Variants in ATP8A2 observed in about 807,000 individuals in gnomAD.
ATP8A2 encodes the protein phospholipid-transporting ATPase IB.
Under a neutral mutation model 165.6 loss-of-function variants are expected in ATP8A2, and 100 were observed. The ratio of observed to expected loss-of-function variants is 0.60; its 90% CI spans 0.51 to 0.71. The LOEUF is 0.71. ATP8A2 is among the 30% of genes least tolerant of loss of function. The pLI, the probability that ATP8A2 is intolerant of heterozygous loss-of-function variation, is 0.00. For missense variants in ATP8A2, 1,227 were observed against 1,479.5 expected (o/e 0.83, Z 2.80); for synonymous variants, 543 against 548.8 (o/e 0.99, Z 0.15).
At chr13:25,650,292 G>A (rs1332728394) in intron 24 of ATP8A2, among the ~76,000 whole-genome samples, 1 of 152,130 alleles carries the variant, frequency 6.6e-6, no homozygotes, top group Non-Finnish European at 1.5e-5. Flanking sequence ...GTTGCTAGTT[G>A]AACTTTTTGT....
intron 35 of ATP8A2, among the ~76,000 whole-genome samples, chr13:25,983,826 A>G (rs960814032): frequency 1.3e-5 from 2 of 152,326 alleles, no homozygotes; most frequent in South Asian, 2.1e-4. Flanking sequence ...TGGGAACACA[A>G]TGTGAAAAAC....
chr13:25,681,907 T>G (rs1372361127), intron 24 of ATP8A2, among the ~76,000 whole-genome samples: 1 of 152,142 alleles, frequency 6.6e-6, no homozygotes, highest in Non-Finnish European at 1.5e-5. Flanking sequence ...CTGACTGCCT[T>G]GGATGTGGTC....
intron 25 of ATP8A2, among the ~76,000 whole-genome samples, chr13:25,717,876 G>C (rs1007274041): frequency 5.9e-5 from 9 of 152,180 alleles, no homozygotes; most frequent in African/African-American, 2.2e-4. Flanking sequence ...AGATTGGATT[G>C]AAGATTGAAG....
chr13:25,446,046 GAGAC>G (rs1283130747), intron 1 of ATP8A2, among the ~76,000 whole-genome samples: 1 of 152,172 alleles, frequency 6.6e-6, no homozygotes, highest in Non-Finnish European at 1.5e-5. Context: ...GAGAAACAGA[GAGAC>G]AGAGAGAGAT....
chr13:25,936,731 T>A (rs192075975), intron 33 of ATP8A2, among the ~76,000 whole-genome samples: 128 of 152,282 alleles, frequency 8.4e-4, no homozygotes, highest in African/African-American at 2.9e-3. Context: ...CTTTTAAGGT[T>A]GGGCCCAATT....
At chr13:25,915,451 C>T (rs140132180) in intron 33 of ATP8A2, among the ~76,000 whole-genome samples, 2 of 152,332 alleles carry the variant, frequency 1.3e-5, no homozygotes, top group East Asian at 3.9e-4. Context: ...AATAAATATA[C>T]CAAAGCTCAG....
chr13:25,717,363 T>C (rs2138011431), intron 25 of ATP8A2, among the ~76,000 whole-genome samples: 1 of 150,962 alleles, frequency 6.6e-6, no homozygotes, highest in South Asian at 2.1e-4. Flanking sequence ...TGAGAATGGG[T>C]TAGGCTCTCT....
intron 1 of ATP8A2, among the ~76,000 whole-genome samples, chr13:25,402,339 C>T (rs950135106): frequency 1.1e-4 from 16 of 152,164 alleles, no homozygotes; most frequent in African/African-American, 2.7e-4. Context: ...TGGGTCAAGG[C>T]GGCTCTTGTA....
chr13:26,010,170 G>A (rs1956815053), intron 35 of ATP8A2, among the ~76,000 whole-genome samples: 1 of 152,254 alleles, frequency 6.6e-6, no homozygotes, highest in African/African-American at 2.4e-5. Context: ...AGCCCTGCCA[G>A]CAAAGCCCCA....
intron 1 of ATP8A2, among the ~76,000 whole-genome samples, chr13:25,383,273 A>G (rs950932206): frequency 3.3e-5 from 5 of 149,530 alleles, no homozygotes; most frequent in African/African-American, 4.9e-5. Context: ...CTCAATCTCC[A>G]TTTGTATTTT....
chr13:25,532,338 A>G, intron 5 of ATP8A2, 21 bp downstream of exon 5: 1 of 1,589,792 alleles, frequency 6.3e-7, no homozygotes, highest in Non-Finnish European at 8.6e-7. Context: ...AGGCTGAAGG[A>G]CTTTTTCCAC....
At chr13:25,916,550 A>C (rs1954272006) in intron 33 of ATP8A2, among the ~76,000 whole-genome samples, 2 of 152,194 alleles carry the variant, frequency 1.3e-5, no homozygotes, top group Non-Finnish European at 2.9e-5. Context: ...GATTGCACTG[A>C]TCAGACATAA....
intron 24 of ATP8A2, among the ~76,000 whole-genome samples, chr13:25,645,027 T>C (rs2041634729): frequency 6.6e-6 from 1 of 152,180 alleles, no homozygotes; most frequent in Non-Finnish European, 1.5e-5. Flanking sequence ...TGATCTTTTG[T>C]ACTATTTTTC....
intron 29 of ATP8A2, among the ~76,000 whole-genome samples, chr13:25,838,563 ATT>A (rs538099896): frequency 7.6e-5 from 11 of 145,518 alleles, no homozygotes; most frequent in Admixed American, 2.8e-4. Context: ...ACTTTGAAGA[ATT>A]TTTTTTTTTT....
chr13:25,471,027 G>A (rs1180471598), intron 2 of ATP8A2, among the ~76,000 whole-genome samples: 3 of 152,116 alleles, frequency 2.0e-5, no homozygotes, highest in African/African-American at 7.2e-5. Context: ...TTGGGGTGAT[G>A]GTTGCACAAC....
chr13:25,468,680 C>G (rs1227284859), intron 1 of ATP8A2: 1 of 318,170 alleles, frequency 3.1e-6, no homozygotes, highest in Non-Finnish European at 4.5e-6. Flanking sequence ...CGGCCCGGTC[C>G]CTGCAGGGAG....
intron 24 of ATP8A2, among the ~76,000 whole-genome samples, chr13:25,600,004 T>C (rs1468448630): frequency 6.6e-6 from 1 of 152,194 alleles, no homozygotes; most frequent in African/African-American, 2.4e-5. Context: ...GCTCAGGAGA[T>C]AAAAACCACA....
rs114042771 is a variant in ATP8A2 at position 25,785,688 on chromosome 13, T to C, written c.2679+10729T>C. 3.4e-3 allele frequency among the ~76,000 whole-genome samples: 515 copies of C among 152,304 alleles called. 5 individuals are homozygous for C. Among genetic ancestry groups the C allele is most frequent in the African/African-American group, 0.011 (473 of 41,560 alleles). On this transcript the variant is annotated intron_variant, in intron 27 of 36. Coordinates refer to ENST00000381655, the MANE Select transcript of ATP8A2 (RefSeq NM_016529.6). The stretch of plus-strand genomic sequence containing the variant: ...TCGTGCCTTTCTATTCATTTTTCTC[T>C]CTCTATACCCAAATAGCACCATTCT...
At chr13:25,468,900 C>T in intron 1 of ATP8A2, 77 bp from the exon 2 acceptor site, 1 of 1,574,140 alleles carries the variant, frequency 6.4e-7, no homozygotes. Flanking sequence ...CGCCCGCCCG[C>T]GGCCCGCGCT....
Sources: gnomAD v4.1 joint callset for allele counts (sites outside exome capture counted in the v4.1 genomes callset) on GRCh38, gnomAD v4.1.1 for gene constraint, MANE v1.5 for transcripts, NCBI Gene and HGNC (gene_info 2026-07-23, HGNC 2026-07-21) for gene names.